Variants in XPR1 observed in about 807,000 individuals in gnomAD.
XPR1 encodes xenotropic and polytropic retrovirus receptor 1.
Under a neutral mutation model 87.5 loss-of-function variants are expected in XPR1, and 28 were observed. That is an observed-to-expected ratio of 0.32 (90% confidence interval 0.24 to 0.44). The LOEUF (loss-of-function observed/expected upper bound fraction) is 0.44, where lower values mean the gene tolerates loss of function less well. XPR1 is among the 20% of genes least tolerant of loss of function. The pLI, the probability that XPR1 is intolerant of heterozygous loss-of-function variation, is 1.00. For missense variants in XPR1, 559 were observed against 862.3 expected, an observed-to-expected ratio of 0.65 and a Z score of 4.41; for synonymous variants, 300 against 306.1, an observed-to-expected ratio of 0.98 and a Z score of 0.21.
At chr1:180,763,805 A>G (rs1433209472) in intron 2 of XPR1, among the ~76,000 whole-genome samples, 2 of 152,240 alleles carry the variant, frequency 1.3e-5, no homozygotes, top group Non-Finnish European at 2.9e-5. Context: ...AAAGCCATCC[A>G]GCAGATGTGT....
At chr1:180,632,794 A>T (rs1423393402) in intron 1 of XPR1, among the ~76,000 whole-genome samples, 1 of 152,126 alleles carries the variant, frequency 6.6e-6, no homozygotes, top group Non-Finnish European at 1.5e-5. Context: ...GCTTTTTCCC[A>T]CTTGCCCACT....
chr1:180,879,617 A>G (rs1396007055), intron 13 of XPR1, among the ~76,000 whole-genome samples: 1 of 152,188 alleles, frequency 6.6e-6, no homozygotes, highest in Non-Finnish European at 1.5e-5. Context: ...GTCTTCAAAG[A>G]AGCTTTCCCT....
intron 3 of XPR1, among the ~76,000 whole-genome samples, chr1:180,800,241 C>T (rs1272007837): frequency 6.6e-6 from 1 of 152,152 alleles, no homozygotes; most frequent in Non-Finnish European, 1.5e-5. Context: ...CATCTGTCAC[C>T]TGAATATCAT....
intron 2 of XPR1, among the ~76,000 whole-genome samples, chr1:180,761,322 A>C (rs957098698): frequency 2.2e-4 from 33 of 152,330 alleles, no homozygotes; most frequent in African/African-American, 7.9e-4. Flanking sequence ...CTACCATCAG[A>C]GTGAACAGGC....
At chr1:180,793,657 G>A (rs980373809) in intron 3 of XPR1, among the ~76,000 whole-genome samples, 29 of 152,226 alleles carry the variant, frequency 1.9e-4, no homozygotes, top group African/African-American at 7.0e-4. Context: ...GGAGCAGGGA[G>A]GGTAGTAGGG....
At chr1:180,743,531 CAAG>C (rs1178347182) in intron 2 of XPR1, among the ~76,000 whole-genome samples, 1 of 152,086 alleles carries the variant, frequency 6.6e-6, no homozygotes, top group East Asian at 1.9e-4. Flanking sequence ...TTATAGAACT[CAAG>C]AAGAATAGTT....
intron 2 of XPR1, among the ~76,000 whole-genome samples, chr1:180,742,114 T>C (rs139857326): frequency 1.3e-5 from 2 of 152,266 alleles, no homozygotes; most frequent in African/African-American, 4.8e-5. Flanking sequence ...CATCTTTTGA[T>C]TTCACTGATT....
chr1:180,645,678 C>A (rs1423462792), intron 1 of XPR1, among the ~76,000 whole-genome samples: 2 of 152,202 alleles, frequency 1.3e-5, no homozygotes, highest in Non-Finnish European at 2.9e-5. Context: ...CTGCATCCAT[C>A]TCCTCACAGA....
In XPR1 at chr1:180,777,288, C is replaced by G. The variant is rs987280509; in HGVS notation, c.122-10465C>G. Among the ~76,000 whole-genome samples, 8 of 152,252 alleles carry G rather than the reference C, an allele frequency of 5.3e-5. No homozygotes were observed. The South Asian group carries it at 6.2e-4, about 12-fold the overall frequency. ...TACTGTACTACGTCTCACTGGTCTCCCGACAACCTTATTTAGAAAGCATAT... is the reference window on the plus strand; with the variant it reads ...TACTGTACTACGTCTCACTGGTCTCGCGACAACCTTATTTAGAAAGCATAT... On this transcript the variant is annotated intron_variant, in intron 2 of 14. Coordinates refer to ENST00000367590, the MANE Select transcript of XPR1 (RefSeq NM_004736.4).
In XPR1 at chr1:180,840,532, TTG is replaced by T. The variant is rs373937004; in HGVS notation, c.1501+3850_1501+3851del. ...AAATTTTGACTTCAGGTTAACATAT[TTG>T]TGTGTGTGTGTGTGTGTGTGTGTGT... On this transcript the variant is annotated intron_variant, in intron 11 of 14. Coordinates refer to ENST00000367590, the MANE Select transcript of XPR1 (RefSeq NM_004736.4). 8.2e-3 allele frequency among the ~76,000 whole-genome samples: 906 copies of T among 110,430 alleles called. 4 individuals carry two copies. The highest frequency in any genetic ancestry group is 0.014 in the Middle Eastern group (3 of 212). The allele number at this position is 110,430 out of a possible 152,430, so 72.4% of individuals were successfully genotyped here.
chr1:180,653,804 C>T (rs960179589), intron 1 of XPR1, among the ~76,000 whole-genome samples: 3 of 152,082 alleles, frequency 2.0e-5, no homozygotes, highest in African/African-American at 7.2e-5. Flanking sequence ...ATACCGTTAA[C>T]GTTGATCTGG....
At chr1:180,776,475 C>G (rs1038414459) in intron 2 of XPR1, among the ~76,000 whole-genome samples, 1 of 151,520 alleles carries the variant, frequency 6.6e-6, no homozygotes, top group Non-Finnish European at 1.5e-5. Context: ...GGAAATTATA[C>G]AATTTCCATT....
intron 2 of XPR1, among the ~76,000 whole-genome samples, chr1:180,772,778 G>A (rs1221003489): frequency 2.0e-5 from 3 of 152,164 alleles, no homozygotes; most frequent in African/African-American, 4.8e-5. Context: ...CACCATGATT[G>A]TGAGGCCTCC....
chr1:180,653,255 C>T (rs1655350686), intron 1 of XPR1, among the ~76,000 whole-genome samples: 1 of 152,210 alleles, frequency 6.6e-6, no homozygotes, highest in South Asian at 2.1e-4. Flanking sequence ...CCTGTATAAT[C>T]AGTAGAATAT....
chr1:180,770,536 G>A (rs1404659746), intron 2 of XPR1, among the ~76,000 whole-genome samples: 3 of 152,128 alleles, frequency 2.0e-5, no homozygotes, highest in Non-Finnish European at 4.4e-5. Context: ...GATATGAAGG[G>A]AGGCTGGGGA....
chr1:180,770,357 A>G (rs1648464459), intron 2 of XPR1, among the ~76,000 whole-genome samples: 1 of 152,110 alleles, frequency 6.6e-6, no homozygotes. Flanking sequence ...CTTCCTGATT[A>G]TGTCCTCACA....
intron 2 of XPR1, among the ~76,000 whole-genome samples, chr1:180,763,772 T>G (rs1053372246): frequency 2.2e-4 from 33 of 152,246 alleles, no homozygotes; most frequent in African/African-American, 6.3e-4. Flanking sequence ...ATGAAGCAGA[T>G]GACTCTGGAG....
intron 1 of XPR1, among the ~76,000 whole-genome samples, chr1:180,651,843 A>T (rs1655301331): frequency 6.6e-6 from 1 of 152,224 alleles, no homozygotes; most frequent in South Asian, 2.1e-4. Context: ...TATTTTATGA[A>T]ACTGGAAATG....
At chr1:180,778,791 C>T (rs999298051) in intron 2 of XPR1, among the ~76,000 whole-genome samples, 36 of 152,182 alleles carry the variant, frequency 2.4e-4, no homozygotes, top group Admixed American at 1.2e-3. Context: ...TTCTCCTCCT[C>T]CTTCATTTGC....
Sources: allele counts gnomAD v4.1 joint callset (sites outside exome capture counted in the v4.1 genomes callset), GRCh38; gene constraint gnomAD v4.1.1; transcripts MANE v1.5; gene names NCBI Gene and HGNC (gene_info 2026-07-23, HGNC 2026-07-21).